KCTD16: variants seen among roughly 807,000 people sequenced by gnomAD.
The protein encoded by KCTD16 is potassium channel tetramerization domain containing 16.
A neutral mutation model predicts 33.2 loss-of-function variants in KCTD16; 13 were observed. The ratio of observed to expected loss-of-function variants is 0.39; its 90% CI spans 0.25 to 0.62. The LOEUF is 0.62. Ranked by LOEUF, KCTD16 falls within the 20% of genes least tolerant of loss-of-function variation. The pLI is 0.50. For synonymous variants in KCTD16, 197 were observed against 195.3 expected, an observed-to-expected ratio of 1.01 and a Z score of -0.07; for missense variants, 441 against 525.1, an observed-to-expected ratio of 0.84 and a Z score of 1.57.
intron 3 of KCTD16, among the ~76,000 whole-genome samples, chr5:144,371,503 T>C (rs1222767748): frequency 1.3e-5 from 2 of 152,148 alleles, no homozygotes; most frequent in South Asian, 4.1e-4. Flanking sequence ...TGAGTATGTG[T>C]TATCTGTTTC....
chr5:144,224,384 T>G (rs1037839273), intron 3 of KCTD16, among the ~76,000 whole-genome samples: 2 of 1,712 alleles, frequency 1.2e-3, no homozygotes, highest in African/African-American at 2.5e-3. Flanking sequence ...ATATAATGTG[T>G]TTTTTTTTTT....
At chr5:144,373,926 A>G (rs1420422735) in intron 3 of KCTD16, among the ~76,000 whole-genome samples, 1 of 152,222 alleles carries the variant, frequency 6.6e-6, no homozygotes, top group Non-Finnish European at 1.5e-5. Context: ...CAAATGTATT[A>G]TCGTACAGTT....
At chr5:144,345,027 GA>G (rs1469333574) in intron 3 of KCTD16, among the ~76,000 whole-genome samples, 26 of 152,052 alleles carry the variant, frequency 1.7e-4, no homozygotes, top group Non-Finnish European at 3.4e-4. Flanking sequence ...ATGCAGCCAT[GA>G]AAAATGATGA....
At chr5:144,378,363 G>C (rs1476345271) in intron 3 of KCTD16, among the ~76,000 whole-genome samples, 1 of 152,150 alleles carries the variant, frequency 6.6e-6, no homozygotes, top group East Asian at 1.9e-4. Flanking sequence ...GTAGTTTCTT[G>C]CTTTGTCAGG....
At chr5:144,336,208 T>C (rs1045837563) in intron 3 of KCTD16, among the ~76,000 whole-genome samples, 3 of 152,206 alleles carry the variant, frequency 2.0e-5, no homozygotes, top group Non-Finnish European at 2.9e-5. Context: ...TTGCCAATGC[T>C]GAAGGAGCTG....
At chr5:144,218,455 A>G (rs71591000) in intron 3 of KCTD16, among the ~76,000 whole-genome samples, 2 of 152,214 alleles carry the variant, frequency 1.3e-5, no homozygotes, top group Non-Finnish European at 2.9e-5. Context: ...AAGATTATTA[A>G]CAATCCTTTT....
chr5:144,265,987 C>G (rs1176104677), intron 3 of KCTD16, among the ~76,000 whole-genome samples: 1 of 152,114 alleles, frequency 6.6e-6, no homozygotes, highest in Non-Finnish European at 1.5e-5. Context: ...AGTTTACATT[C>G]AGAATCAGGT....
chr5:144,195,656 A>G (rs67697314), intron 2 of KCTD16, among the ~76,000 whole-genome samples: 32,913 of 152,120 alleles, frequency 0.22, 3,776 homozygotes, highest in East Asian at 0.41. Flanking sequence ...ACTTACATTT[A>G]TATACACATA....
intron 3 of KCTD16, among the ~76,000 whole-genome samples, chr5:144,467,317 TCA>T (rs1754369818): frequency 1.3e-5 from 2 of 151,964 alleles, no homozygotes; most frequent in East Asian, 3.9e-4. Context: ...GTTTACTCTG[TCA>T]CACACACATT....
intron 3 of KCTD16, among the ~76,000 whole-genome samples, chr5:144,422,007 A>C (rs1325471283): frequency 6.6e-6 from 1 of 152,120 alleles, no homozygotes; most frequent in Non-Finnish European, 1.5e-5. Flanking sequence ...TTAATAAAAA[A>C]CTTGGTATGA....
chr5:144,202,418 C>G (rs1753063406), intron 2 of KCTD16, among the ~76,000 whole-genome samples: 1 of 152,168 alleles, frequency 6.6e-6, no homozygotes, highest in South Asian at 2.1e-4. Flanking sequence ...TTATTTCCTT[C>G]AAGTCTTTTA....
intron 3 of KCTD16, among the ~76,000 whole-genome samples, chr5:144,224,406 C>A (rs1262677574): frequency 3.1e-5 from 1 of 32,558 alleles, no homozygotes; most frequent in African/African-American, 1.1e-4. Context: ...TTTTTTTTTC[C>A]TCCAAAGGGC....
chr5:144,410,412 G>A (rs73795542), intron 3 of KCTD16, among the ~76,000 whole-genome samples: 2,000 of 152,242 alleles, frequency 0.013, 37 homozygotes, highest in African/African-American at 0.045. Context: ...TCATGATAAT[G>A]TCCTACCTGT....
Position 144,206,697 on chromosome 5 carries a change from C to G in KCTD16, c.-18C>G. ...TTGCACCTTTAAATCAAAATAGCAG[C>G]AGCAGAAGAAAGGGACAATGGCTCT... On this transcript the variant is annotated 5_prime_UTR_variant, in exon 3 of 4. Transcript: ENST00000512467. 6.3e-7 allele frequency: 1 copy of G among 1,588,280 alleles called. No individual in the cohort carries two copies. Among genetic ancestry groups the G allele is most frequent in the Non-Finnish European group, 8.6e-7 (1 of 1,162,778 alleles).
At chr5:144,299,104 A>ATATATATATATATG (rs1756145240) in intron 3 of KCTD16, among the ~76,000 whole-genome samples, 9 of 8,974 alleles carry the variant, frequency 1.0e-3, no homozygotes, top group African/African-American at 3.2e-3. Flanking sequence ...ATGTATATAT[A>ATATATATATATATG]TATATATATA....
chr5:144,197,672 T>G (rs1752964176), intron 2 of KCTD16, among the ~76,000 whole-genome samples: 1 of 152,174 alleles, frequency 6.6e-6, no homozygotes, highest in Admixed American at 6.5e-5. Flanking sequence ...TAAAAGAAAC[T>G]ATATGCCCAA....
chr5:144,356,019 G>T (rs1166212928), intron 3 of KCTD16, among the ~76,000 whole-genome samples: 1 of 152,150 alleles, frequency 6.6e-6, no homozygotes, highest in African/African-American at 2.4e-5. Context: ...ACACAATTAA[G>T]CTGAATTCTA....
intron 3 of KCTD16, among the ~76,000 whole-genome samples, chr5:144,441,870 A>T: frequency 6.6e-6 from 1 of 151,950 alleles, no homozygotes; most frequent in East Asian, 1.9e-4. Flanking sequence ...AAAAAAAAAA[A>T]AATCTGGGAT....
In KCTD16 at chr5:144,481,858, C is replaced by A. The variant is rs1287635995; in HGVS notation, c.*7744C>A. 6.6e-6 allele frequency: 1 copy of A among 151,772 alleles called. No individual in the cohort carries two copies. The highest frequency in any genetic ancestry group is 1.9e-4 in the East Asian group (1 of 5,146). The allele number at this position is 151,772 out of a possible 1,614,324, so 9.4% of individuals were successfully genotyped here. A position where few individuals can be genotyped will look rare whatever the true frequency, so the allele number is the denominator to read the frequency against. Reference sequence around the variant, plus strand: ...ATTCTAGAATTATGGTTTAAATATCCAGTTATAAATAATATATATTACAGA... The same window carrying A: ...ATTCTAGAATTATGGTTTAAATATCAAGTTATAAATAATATATATTACAGA... On this transcript the variant is annotated 3_prime_UTR_variant, in exon 4 of 4. Transcript: ENST00000512467.
Sources: allele counts gnomAD v4.1 joint callset (sites outside exome capture counted in the v4.1 genomes callset), GRCh38; gene constraint gnomAD v4.1.1; transcripts MANE v1.5; gene names NCBI Gene and HGNC (gene_info 2026-07-23, HGNC 2026-07-21).